Variants in ME3 observed in about 807,000 individuals in gnomAD.
ME3 encodes malic enzyme 3, also known as NADP-dependent malic enzyme, mitochondrial.
Under a neutral mutation model 68.9 loss-of-function variants are expected in ME3, and 48 were observed. That is an observed-to-expected ratio of 0.70 (90% CI 0.55 to 0.89). The LOEUF (loss-of-function observed/expected upper bound fraction) is 0.89. Among genes scored for constraint, ME3 ranks in the 40% least tolerant of loss-of-function variants. The pLI is 0.00. For missense variants in ME3, 675 were observed against 797.4 expected, an observed-to-expected ratio of 0.85 and a Z score of 1.85; for synonymous variants, 320 against 318.8, an observed-to-expected ratio of 1.00 and a Z score of -0.04.
At chr11:86,652,985 A>G (rs1341106644) in intron 2 of ME3, among the ~76,000 whole-genome samples, 3 of 152,194 alleles carry the variant, frequency 2.0e-5, no homozygotes, top group African/African-American at 7.2e-5. Flanking sequence ...ACAAAAATCA[A>G]AAGAGACAAA....
At chr11:86,548,336 T>G (rs543396431) in intron 4 of ME3, among the ~76,000 whole-genome samples, 8 of 152,342 alleles carry the variant, frequency 5.3e-5, no homozygotes, top group Non-Finnish European at 1.0e-4. Flanking sequence ...CTAGATACAA[T>G]TAACTTACTC....
At chr11:86,500,996 T>G (rs1394866610) in intron 5 of ME3, among the ~76,000 whole-genome samples, 1 of 152,156 alleles carries the variant, frequency 6.6e-6, no homozygotes, top group Non-Finnish European at 1.5e-5. Context: ...AGCAGCTGGG[T>G]TGTTATTTAA....
chr11:86,644,737 T>C (rs539664106), intron 2 of ME3, among the ~76,000 whole-genome samples: 1 of 152,336 alleles, frequency 6.6e-6, no homozygotes, highest in East Asian at 1.9e-4. Flanking sequence ...ATTTATTCCG[T>C]ACCACCAATA....
intron 4 of ME3, among the ~76,000 whole-genome samples, chr11:86,554,447 T>C (rs1956834970): frequency 6.6e-6 from 1 of 152,264 alleles, no homozygotes; most frequent in Admixed American, 6.5e-5. Flanking sequence ...GTTTGTTACA[T>C]GTTCAATGAT....
rs1956649718 is a variant in ME3, at chr11:86,551,026, G to T, written c.467+5527C>A. 2.6e-5 allele frequency among the ~76,000 whole-genome samples: 4 copies of T among 151,854 alleles called. No individual in the cohort carries two copies. The South Asian group carries it at 8.3e-4, about 32-fold the overall frequency. On this transcript the variant is annotated intron_variant, in intron 4 of 14. Transcript: ENST00000543262. ...CGGTGGGCTGGTGGAGGTGGTTGAA[G>T]ACAAGAAGGTTCCAATGCAAGAAAA...
chr11:86,536,746 G>C (rs1269344447), intron 4 of ME3, among the ~76,000 whole-genome samples: 2 of 150,426 alleles, frequency 1.3e-5, no homozygotes, highest in Non-Finnish European at 3.0e-5. Flanking sequence ...CAGGGATCTA[G>C]ATCTAGAAAT....
At chr11:86,490,673 A>T (rs1951947575) in intron 6 of ME3, among the ~76,000 whole-genome samples, 1 of 152,212 alleles carries the variant, frequency 6.6e-6, no homozygotes, top group Admixed American at 6.5e-5. Context: ...ATACATACAG[A>T]GCTTGGAAGG....
chr11:86,505,255 G>T (rs549401004), intron 5 of ME3, among the ~76,000 whole-genome samples: 1 of 152,110 alleles, frequency 6.6e-6, no homozygotes, highest in African/African-American at 2.4e-5. Context: ...AGGGCACCTA[G>T]GGGTGGGGGG....
intron 7 of ME3, among the ~76,000 whole-genome samples, chr11:86,481,353 G>A (rs1003387704): frequency 6.6e-6 from 1 of 151,738 alleles, no homozygotes; most frequent in Non-Finnish European, 1.5e-5. Flanking sequence ...GTGCTCAGCC[G>A]AAGAGTTTCT....
chr11:86,567,220 A>G (rs1957527993), intron 2 of ME3, among the ~76,000 whole-genome samples: 1 of 111,726 alleles, frequency 9.0e-6, no homozygotes, highest in Non-Finnish European at 1.9e-5. Context: ...TCTGTCAGAA[A>G]GAAAGAAAGA....
intron 2 of ME3, among the ~76,000 whole-genome samples, chr11:86,612,696 C>A (rs1322924612): frequency 2.6e-5 from 4 of 152,090 alleles, no homozygotes; most frequent in African/African-American, 9.7e-5. Context: ...TGATTGTTGG[C>A]CATGTAAATG....
intron 4 of ME3, among the ~76,000 whole-genome samples, chr11:86,534,449 C>T (rs138967919): frequency 6.6e-6 from 1 of 152,188 alleles, no homozygotes; most frequent in African/African-American, 2.4e-5. Flanking sequence ...CTGAGGCTCA[C>T]AGATCACCTG....
exon 2 of ME3, chr11:86,671,956 G>C (rs528831590): frequency 3.6e-6 from 5 of 1,400,242 alleles, no homozygotes; most frequent in Non-Finnish European, 4.6e-6. Flanking sequence ...GTCCTTGGCA[G>C]ACCTGGCACG....
chr11:86,458,341 C>A (rs1950050608), intron 8 of ME3, among the ~76,000 whole-genome samples: 1 of 152,212 alleles, frequency 6.6e-6, no homozygotes, highest in African/African-American at 2.4e-5. Flanking sequence ...TTCTACATTA[C>A]TTCAGTGCAA....
intron 8 of ME3, among the ~76,000 whole-genome samples, chr11:86,454,854 A>G (rs932296042): frequency 2.6e-5 from 4 of 152,208 alleles, no homozygotes; most frequent in Non-Finnish European, 5.9e-5. Flanking sequence ...AATTTTCTAT[A>G]TTCTCTGTTT....
chr11:86,482,684 C>G (rs76819139), intron 7 of ME3, among the ~76,000 whole-genome samples: 10,151 of 151,672 alleles, frequency 0.067, 373 homozygotes, highest in Non-Finnish European at 0.084. Flanking sequence ...GCAGCTTCCA[C>G]TCTTGTGTTC....
intron 2 of ME3, among the ~76,000 whole-genome samples, chr11:86,652,648 G>A (rs1283285871): frequency 6.6e-6 from 1 of 151,830 alleles, no homozygotes; most frequent in South Asian, 2.1e-4. Flanking sequence ...ACATGCCAAA[G>A]TGTAAAGACC....
At chr11:86,594,308 G>A (rs1457506748) in intron 2 of ME3, among the ~76,000 whole-genome samples, 1 of 146,418 alleles carries the variant, frequency 6.8e-6, no homozygotes, top group Non-Finnish European at 1.5e-5. Flanking sequence ...GCATTCCTTA[G>A]AGATTTTTCT....
intron 6 of ME3, among the ~76,000 whole-genome samples, chr11:86,493,701 G>T (rs988406864): frequency 3.9e-5 from 6 of 152,222 alleles, no homozygotes; most frequent in African/African-American, 1.4e-4. Context: ...TGGGATCATG[G>T]CGCCACATAT....
Sources: allele counts gnomAD v4.1 joint callset (sites outside exome capture counted in the v4.1 genomes callset), GRCh38; gene constraint gnomAD v4.1.1; transcripts MANE v1.5; gene names NCBI Gene and HGNC (gene_info 2026-07-23, HGNC 2026-07-21).